Variants in DPYSL3 observed in about 807,000 individuals in gnomAD.
DPYSL3 encodes the protein dihydropyrimidinase like 3.
DPYSL3 carries 16 observed loss-of-function variants against 66.1 expected under a neutral mutation model. The observed-to-expected ratio is 0.24, with a 90% CI of 0.16 to 0.37. The LOEUF (loss-of-function observed/expected upper bound fraction) is 0.37, where lower values mean the gene tolerates loss of function less well. DPYSL3 is among the 10% of genes least tolerant of loss of function. The probability of loss-of-function intolerance (pLI) is 1.00; values close to 1 mark genes in which losing one functional copy is unlikely to be tolerated. For missense variants in DPYSL3, 738 were observed against 916.2 expected (o/e 0.81, Z 2.51); for synonymous variants, 338 against 345.1 (o/e 0.98, Z 0.23).
intron 12 of DPYSL3, among the ~76,000 whole-genome samples, chr5:147,395,948 C>T (rs1757957784): frequency 6.6e-6 from 1 of 151,986 alleles, no homozygotes; most frequent in South Asian, 2.1e-4. Flanking sequence ...AGATGAGCTT[C>T]GATCAGAAGG....
intron 1 of DPYSL3, among the ~76,000 whole-genome samples, chr5:147,493,662 A>G (rs1016446141): frequency 1.3e-5 from 2 of 152,228 alleles, no homozygotes; most frequent in African/African-American, 4.8e-5. Context: ...TAAGATTAAT[A>G]AAGACATAGT....
intron 1 of DPYSL3, among the ~76,000 whole-genome samples, chr5:147,490,361 A>C (rs1046556705): frequency 6.6e-6 from 1 of 152,234 alleles, no homozygotes; most frequent in African/African-American, 2.4e-5. Flanking sequence ...TTATAATAAC[A>C]AAAGAAGAGA....
intron 1 of DPYSL3, among the ~76,000 whole-genome samples, chr5:147,500,341 C>T (rs567405448): frequency 5.3e-5 from 8 of 152,166 alleles, no homozygotes; most frequent in Non-Finnish European, 7.4e-5. Context: ...CGGCCAGGTG[C>T]GGTGGCTCAC....
intron 10 of DPYSL3, 30 bp from the exon 11 acceptor site, chr5:147,399,282 T>A (rs773697087): frequency 6.2e-7 from 1 of 1,607,232 alleles, no homozygotes; most frequent in East Asian, 2.2e-5. Flanking sequence ...TATATCTATA[T>A]CTATAGCTAC....
intron 13 of DPYSL3, among the ~76,000 whole-genome samples, chr5:147,394,682 C>CA (rs34195078): frequency 0.049 from 7,084 of 144,638 alleles, 506 homozygotes; most frequent in African/African-American, 0.16. Flanking sequence ...ACAACAACAA[C>CA]AAAAAAAAAA....
At chr5:147,439,693 G>A (rs1303468618) in intron 1 of DPYSL3, among the ~76,000 whole-genome samples, 1 of 152,184 alleles carries the variant, frequency 6.6e-6, no homozygotes, top group Non-Finnish European at 1.5e-5. Flanking sequence ...CTTGGAGTAA[G>A]ATGACAGAGG....
At chr5:147,476,790 A>ATTTAT (rs1383317330) in intron 1 of DPYSL3, among the ~76,000 whole-genome samples, 1 of 152,178 alleles carries the variant, frequency 6.6e-6, no homozygotes, top group Admixed American at 6.5e-5. Flanking sequence ...TATTTTAGGC[A>ATTTAT]TTTATTTTAT....
chr5:147,426,041 CCATT>C (rs1226354887), intron 1 of DPYSL3, among the ~76,000 whole-genome samples: 3 of 149,606 alleles, frequency 2.0e-5, no homozygotes, highest in East Asian at 1.9e-4. Context: ...ATCCATCCAT[CCATT>C]CATCCATCCA....
At chr5:147,414,775 A>G (rs1475318518) in intron 4 of DPYSL3, among the ~76,000 whole-genome samples, 2 of 152,134 alleles carry the variant, frequency 1.3e-5, no homozygotes, top group Non-Finnish European at 2.9e-5. Context: ...TGGAAAGAAA[A>G]TATCATCCTC....
intron 2 of DPYSL3, among the ~76,000 whole-genome samples, chr5:147,418,896 T>A (rs1020965251): frequency 3.3e-5 from 5 of 152,216 alleles, no homozygotes; most frequent in South Asian, 2.1e-4. Flanking sequence ...AGGGGTCTGA[T>A]AGTGTCTAGA....
chr5:147,468,326 G>A (rs1045715078), intron 1 of DPYSL3, among the ~76,000 whole-genome samples: 1 of 152,188 alleles, frequency 6.6e-6, no homozygotes, highest in Non-Finnish European at 1.5e-5. Context: ...CTAGCTTTAA[G>A]AAACCACTAT....
Position 147,405,630 on chromosome 5 carries a change from A to G in DPYSL3, c.1133T>C (p.Ile378Thr). 1 of 1,612,436 alleles carries G rather than the reference A, an allele frequency of 6.2e-7. No homozygotes were observed. The highest frequency in any genetic ancestry group is 8.5e-7 in the Non-Finnish European group (1 of 1,179,380). Residue 378 changes from isoleucine to threonine, a missense_variant, in exon 8 of 14, where the codon ATC becomes ACC. Coordinates refer to ENST00000343218, the MANE Select transcript of DPYSL3 (RefSeq NM_001197294.2). ...ATCACCTTTTTTCCTGGCTTGTGAG[A>G]TGAGGTCAGCTGCACTCTTGCTCAT... ...KVMSKSAADL[I>T]SQARKKGNVV...
chr5:147,473,224 T>C (rs149559394), intron 1 of DPYSL3: 2 of 152,282 alleles, frequency 1.3e-5, no homozygotes, highest in African/African-American at 4.8e-5. Context: ...AGAGGGCTCA[T>C]TGTGATTTTG....
At chr5:147,449,364 C>G (rs1752685340) in intron 1 of DPYSL3, among the ~76,000 whole-genome samples, 1 of 152,210 alleles carries the variant, frequency 6.6e-6, no homozygotes, top group South Asian at 2.1e-4. Flanking sequence ...GTATTCCTAA[C>G]TGGGGATACG....
Position 147,394,073 on chromosome 5 carries a change from G to T in DPYSL3, c.2017C>A (p.Pro673Thr). 2 of 1,614,192 alleles carry T rather than the reference G, an allele frequency of 1.2e-6. No individual in the cohort carries two copies. The highest frequency in any genetic ancestry group is 1.7e-6 in the Non-Finnish European group (2 of 1,180,030). The change falls in exon 14 of 14, where the codon CCC becomes ACC. Residue 673 changes from proline (P) to threonine (T), a missense_variant. Pro to Thr is a conservative substitution (Grantham distance 38, BLOSUM62 -1). Coordinates refer to ENST00000343218, the MANE Select transcript of DPYSL3 (RefSeq NM_001197294.2). ...GTGATATTAGAACGGCCGCCTGGGG[G>T]CGCCACGATGCGCTTGCTGGCTGAG... ...VRSASKRIVA[P>T]PGGRSNITSL... is the part of the protein sequence containing the mutation.
chr5:147,442,845 A>AC (rs1752559472), intron 1 of DPYSL3, among the ~76,000 whole-genome samples: 1 of 29,924 alleles, frequency 3.3e-5, no homozygotes, highest in Admixed American at 3.0e-4. Flanking sequence ...AAATATAGTC[A>AC]AAAAAAAAAA....
In DPYSL3 at chr5:147,433,472, T is replaced by C. The variant is rs1441765628; in HGVS notation, c.382-8509A>G. Among the ~76,000 whole-genome samples the C allele has an allele frequency of 2.0e-5, 3 of 152,112 alleles. No homozygotes were observed. The East Asian group carries it at 5.8e-4, about 29-fold the overall frequency. On this transcript the variant is annotated intron_variant, in intron 1 of 13. Transcript: ENST00000343218. Reference sequence around the variant, plus strand: ...TTCCTGCCTGGGAAGAAAACCAGCCTAATAGCAGTTTTTGAAGCTACCCCC... The same window carrying C: ...TTCCTGCCTGGGAAGAAAACCAGCCCAATAGCAGTTTTTGAAGCTACCCCC...
Position 147,405,718 on chromosome 5 carries a change from C to A in DPYSL3, c.1045G>T (p.Ala349Ser), listed in dbSNP as rs1179645447. Residue 349 changes from alanine (A) to serine (S), a missense_variant, in exon 8 of 14, where the codon GCT (alanine) becomes TCT (serine). By Grantham distance (99) the Ala-to-Ser change is moderately conservative. Coordinates refer to ENST00000343218, the MANE Select transcript of DPYSL3 (RefSeq NM_001197294.2). ...GCAATGGTGATGGCACGGAACACAG[C>A]CTCAGCTTCCAGCTGCAAGAAAAAG... Reference protein sequence around the residue: ...LSRPEELEAEAVFRAITIASQ... With the variant: ...LSRPEELEAESVFRAITIASQ... The A allele has an allele frequency of 6.2e-7, 1 of 1,611,552 alleles. No individual in the cohort carries two copies.
rs1326045942 is a variant in DPYSL3 at position 147,392,761 on chromosome 5, T to C, written c.*1274A>G. On this transcript the variant is annotated 3_prime_UTR_variant, in exon 14 of 14. Transcript: ENST00000343218. ...CACTCACTTGGGGAGATTCTAGGAC[T>C]GAGACACAAAGTTCCCCCAGAGTTT... 6.6e-6 allele frequency: 1 copy of C among 152,176 alleles called. No individual in the cohort carries two copies. The highest frequency in any genetic ancestry group is 1.5e-5 in the Non-Finnish European group (1 of 68,044). The allele number at this position is 152,176 out of a possible 1,614,324, so 9.4% of individuals were successfully genotyped here.
Sources: allele counts gnomAD v4.1 joint callset (sites outside exome capture counted in the v4.1 genomes callset), GRCh38; gene constraint gnomAD v4.1.1; transcripts MANE v1.5; gene names NCBI Gene and HGNC (gene_info 2026-07-23, HGNC 2026-07-21).